The following HMGB1 variants were observed in gnomAD, a reference collection of about 807,000 sequenced individuals.
HMGB1 encodes high mobility group box 1.
For synonymous variants in HMGB1, 81 were observed against 84.0 expected, an observed-to-expected ratio of 0.96 and a Z score of 0.19; for missense variants, 79 against 253.5, an observed-to-expected ratio of 0.31 and a Z score of 4.67.
intron 1 of HMGB1, among the ~76,000 whole-genome samples, chr13:30,603,143 C>G (rs1358934377): frequency 6.6e-6 from 1 of 152,190 alleles, no homozygotes; most frequent in Non-Finnish European, 1.5e-5. Flanking sequence ...ATTTTTCTCT[C>G]TGGCAAATTG....
intron 1 of HMGB1, among the ~76,000 whole-genome samples, chr13:30,548,243 A>C (rs1379458002): frequency 6.6e-6 from 1 of 152,010 alleles, no homozygotes; most frequent in Non-Finnish European, 1.5e-5. Flanking sequence ...TTCTCATGAG[A>C]TCTGACGGTT....
chr13:30,586,173 C>A (rs1213826483), intron 1 of HMGB1, among the ~76,000 whole-genome samples: 4 of 152,070 alleles, frequency 2.6e-5, no homozygotes, highest in Admixed American at 2.6e-4. Flanking sequence ...TTCAAGAGAT[C>A]CTTCTACCTC....
At chr13:30,587,729 T>C (rs1263623944) in intron 1 of HMGB1, among the ~76,000 whole-genome samples, 1 of 152,230 alleles carries the variant, frequency 6.6e-6, no homozygotes, top group South Asian at 2.1e-4. Flanking sequence ...CTTATTCTCA[T>C]AGGGCTATTA....
intron 1 of HMGB1, among the ~76,000 whole-genome samples, chr13:30,526,066 C>CT (rs1301973911): frequency 2.0e-5 from 3 of 151,870 alleles, no homozygotes; most frequent in Admixed American, 6.6e-5. Flanking sequence ...ACTTTTATTT[C>CT]TTTTTTTTGA....
At chr13:30,464,685 G>A in intron 1 of HMGB1, 6 of 965,848 alleles carry the variant, frequency 6.2e-6, no homozygotes, top group Non-Finnish European at 7.4e-6. Flanking sequence ...CGCACGGAAT[G>A]GCCGCTGCGC....
rs1276217653 is a variant in HMGB1 at position 30,459,323 on chromosome 13, TAAAA to T, written c.*2030_*2033del. The T allele has an allele frequency of 6.6e-6, 1 of 152,130 alleles. No individual in the cohort carries two copies. Among genetic ancestry groups the T allele is most frequent in the Non-Finnish European group, 1.5e-5 (1 of 67,998 alleles). 9.4% of individuals were successfully genotyped at this position (152,130 alleles called of 1,614,324 possible). The stretch of plus-strand genomic sequence containing the variant: ...AAGATCTGTGGTCAAGAATAAACCC[TAAAA>T]AAACTGTTCCCATTCTCAACATCTT... On this transcript the variant is annotated 3_prime_UTR_variant, in exon 5 of 5. Coordinates refer to ENST00000341423, the MANE Select transcript of HMGB1 (RefSeq NM_002128.7).
Position 30,457,658 on chromosome 13 carries a change from C to G in HMGB1, c.*3699G>C, listed in dbSNP as rs934786493. 8 of 152,140 alleles carry G rather than the reference C, an allele frequency of 5.3e-5. No homozygotes were observed. Among genetic ancestry groups the G allele is most frequent in the African/African-American group, 1.9e-4 (8 of 41,436 alleles). 9.4% of individuals were successfully genotyped at this position (152,140 alleles called of 1,614,324 possible). On this transcript the variant is annotated 3_prime_UTR_variant, in exon 5 of 5. Transcript: ENST00000341423. ...TGGTAGAGATTACCTTAGACTGAAC[C>G]CCCCTGGAAGACGAGCATTACATAT... is the stretch of plus-strand genomic sequence containing the variant.
At chr13:30,536,148 T>C (rs1868419167) in intron 1 of HMGB1, among the ~76,000 whole-genome samples, 1 of 152,236 alleles carries the variant, frequency 6.6e-6, no homozygotes, top group Admixed American at 6.5e-5. Context: ...TCAAATTAAA[T>C]AGAAGTTACT....
intron 1 of HMGB1, among the ~76,000 whole-genome samples, chr13:30,598,579 G>T (rs1871718198): frequency 6.6e-6 from 1 of 152,180 alleles, no homozygotes; most frequent in South Asian, 2.1e-4. Flanking sequence ...ACTAAAGCTT[G>T]CTAGACAAAA....
At chr13:30,563,561 G>A (rs1041137229) in intron 1 of HMGB1, among the ~76,000 whole-genome samples, 1 of 152,192 alleles carries the variant, frequency 6.6e-6, no homozygotes, top group Admixed American at 6.5e-5. Context: ...AGCGTGCTGT[G>A]ACTGTGCCAC....
intron 1 of HMGB1, among the ~76,000 whole-genome samples, chr13:30,581,833 A>G (rs759215953): frequency 6.6e-6 from 1 of 152,190 alleles, no homozygotes; most frequent in South Asian, 2.1e-4. Context: ...CATCTTTAGT[A>G]ACCATGCTTC....
intron 1 of HMGB1, chr13:30,539,693 A>G: frequency 4.5e-6 from 1 of 221,228 alleles, no homozygotes; most frequent in African/African-American, 2.3e-5. Context: ...GAACATGTGT[A>G]GCCCCAAACC....
intron 1 of HMGB1, among the ~76,000 whole-genome samples, chr13:30,481,832 T>C (rs920368093): frequency 1.3e-5 from 2 of 151,896 alleles, no homozygotes; most frequent in Non-Finnish European, 2.9e-5. Context: ...TAGGTATTCT[T>C]AAGTCTTTCT....
intron 1 of HMGB1, among the ~76,000 whole-genome samples, chr13:30,526,352 T>C (rs1429068975): frequency 3.3e-5 from 5 of 152,238 alleles, no homozygotes; most frequent in Non-Finnish European, 7.3e-5. Flanking sequence ...CCACTACGCC[T>C]GGCCCAAACA....
chr13:30,569,892 G>A (rs1475660294), intron 1 of HMGB1, among the ~76,000 whole-genome samples: 3 of 152,194 alleles, frequency 2.0e-5, no homozygotes, highest in Non-Finnish European at 4.4e-5. Context: ...GCTAGAGGTC[G>A]TGCATTTTAT....
At chr13:30,510,750 C>T (rs1310241502) in intron 1 of HMGB1, among the ~76,000 whole-genome samples, 1 of 152,210 alleles carries the variant, frequency 6.6e-6, no homozygotes, top group African/African-American at 2.4e-5. Flanking sequence ...GAAGCTGTTA[C>T]ATGGCTTTTG....
chr13:30,465,193 G>GGGC (rs1555232498), intron 1 of HMGB1: 2 of 777,662 alleles, frequency 2.6e-6, no homozygotes, highest in Non-Finnish European at 3.1e-6. Context: ...CCCGCCGCCC[G>GGGC]GCCGCCGCCG....
intron 1 of HMGB1, among the ~76,000 whole-genome samples, chr13:30,614,771 A>G (rs1209175124): frequency 1.3e-5 from 2 of 151,786 alleles, no homozygotes; most frequent in Non-Finnish European, 2.9e-5. Context: ...ATCTCAGCTC[A>G]TTGCAATCTC....
chr13:30,505,530 C>T lies in HMGB1; in HGVS notation c.-14-41836G>A, dbSNP rs112855760. Reference sequence around the variant, plus strand: ...TTCACCATATTGGTTAGGCTGGTCTCGAACTCCTGGCCTCAGGTGATCCAC... The same window carrying T: ...TTCACCATATTGGTTAGGCTGGTCTTGAACTCCTGGCCTCAGGTGATCCAC... On this transcript the variant is annotated intron_variant, in intron 1 of 4. Coordinates refer to the HMGB1 transcript ENST00000405805. Among the ~76,000 whole-genome samples, 934 of 152,120 alleles carry T rather than the reference C, an allele frequency of 6.1e-3. 6 individuals are homozygous for T. Among genetic ancestry groups the T allele is most frequent in the African/African-American group, 0.019 (789 of 41,484 alleles).
Sources: gnomAD v4.1 joint callset for allele counts (sites outside exome capture counted in the v4.1 genomes callset) on GRCh38, gnomAD v4.1.1 for gene constraint, MANE v1.5 for transcripts, NCBI Gene and HGNC (gene_info 2026-07-23, HGNC 2026-07-21) for gene names.